The following CHRM3 variants were observed in gnomAD, a reference collection of about 807,000 sequenced individuals.
CHRM3 encodes cholinergic receptor muscarinic 3.
A neutral mutation model predicts 41.8 loss-of-function variants in CHRM3; 11 were observed. The observed-to-expected ratio is 0.26, with a 90% confidence interval of 0.17 to 0.44. CHRM3 has a LOEUF of 0.44. CHRM3 is among the 20% of genes least tolerant of loss of function. The pLI, the probability that CHRM3 is intolerant of heterozygous loss-of-function variation, is 1.00. For synonymous variants in CHRM3, 297 were observed against 301.4 expected (o/e 0.99, Z 0.15); for missense variants, 571 against 745.4 (o/e 0.77, Z 2.72).
intron 1 of CHRM3, among the ~76,000 whole-genome samples, chr1:239,422,672 G>T (rs574578704): frequency 6.6e-6 from 1 of 151,910 alleles, no homozygotes; most frequent in South Asian, 2.1e-4. Context: ...GCGTGTGCCT[G>T]TAGTCCCAGC....
chr1:239,539,628 T>A (rs1658552262), intron 2 of CHRM3, among the ~76,000 whole-genome samples: 1 of 151,966 alleles, frequency 6.6e-6, no homozygotes, highest in Non-Finnish European at 1.5e-5. Flanking sequence ...TATTTTGGGG[T>A]TTGTTTTTGT....
rs1487020516 is a variant in CHRM3, at chr1:239,914,842, G to C, written c.*5618G>C. Reference sequence around the variant, plus strand: ...GACAATCCTTTATCCTGTTCTGCAAGCAATCAAACACATGATCTCCCTTCT... The same window carrying C: ...GACAATCCTTTATCCTGTTCTGCAACCAATCAAACACATGATCTCCCTTCT... On this transcript the variant is annotated 3_prime_UTR_variant, in exon 7 of 7. Transcript: ENST00000676153. 1 of 166,860 alleles carries C rather than the reference G, an allele frequency of 6.0e-6. No homozygotes were observed. Among genetic ancestry groups the C allele is most frequent in the Admixed American group, 6.5e-5 (1 of 15,278 alleles). The allele number at this position is 166,860 out of a possible 1,614,324, so 10.3% of individuals were successfully genotyped here. A position where few individuals can be genotyped will look rare whatever the true frequency, so the allele number is the denominator to read the frequency against.
intron 1 of CHRM3, among the ~76,000 whole-genome samples, chr1:239,393,050 C>T (rs1642912243): frequency 6.6e-6 from 1 of 152,082 alleles, no homozygotes; most frequent in Admixed American, 6.6e-5. Context: ...GTCCCAGGTA[C>T]TCGGGAGGCT....
At chr1:239,698,996 G>C (rs748733834) in intron 5 of CHRM3, among the ~76,000 whole-genome samples, 4 of 152,060 alleles carry the variant, frequency 2.6e-5, no homozygotes, top group Non-Finnish European at 5.9e-5. Context: ...GGAAAGTAAA[G>C]AGTTTTAAAA....
intron 6 of CHRM3, among the ~76,000 whole-genome samples, chr1:239,854,497 C>T (rs1674948552): frequency 6.6e-6 from 1 of 151,998 alleles, no homozygotes; most frequent in Non-Finnish European, 1.5e-5. Flanking sequence ...CCTGAAACTA[C>T]AAGTGAGAAA....
chr1:239,835,858 C>T (rs1673272906), intron 6 of CHRM3, among the ~76,000 whole-genome samples: 4 of 152,226 alleles, frequency 2.6e-5, no homozygotes. Context: ...ACCTAAATTA[C>T]TGCATTTCAG....
intron 4 of CHRM3, among the ~76,000 whole-genome samples, chr1:239,641,311 G>T (rs1216361159): frequency 1.3e-5 from 2 of 151,510 alleles, no homozygotes; most frequent in African/African-American, 4.9e-5. Context: ...TTCAATTCCT[G>T]GATATCCTTG....
chr1:239,633,598 C>T (rs1343937189), intron 4 of CHRM3, among the ~76,000 whole-genome samples: 1 of 152,178 alleles, frequency 6.6e-6, no homozygotes, highest in Non-Finnish European at 1.5e-5. Flanking sequence ...GGCCATGTGA[C>T]CCAGCTACAG....
chr1:239,585,962 T>C (rs995943177), intron 3 of CHRM3, among the ~76,000 whole-genome samples: 5 of 152,198 alleles, frequency 3.3e-5, no homozygotes, highest in African/African-American at 7.2e-5. Context: ...TTTGCTCCAG[T>C]TGAGTAACAT....
At chr1:239,511,839 C>T (rs1033183910) in intron 2 of CHRM3, among the ~76,000 whole-genome samples, 11 of 152,124 alleles carry the variant, frequency 7.2e-5, no homozygotes, top group South Asian at 2.1e-4. Context: ...TGAATAGATC[C>T]GGAAAGCAAA....
intron 5 of CHRM3, among the ~76,000 whole-genome samples, chr1:239,798,296 C>G (rs537766673): frequency 2.0e-5 from 3 of 152,054 alleles, no homozygotes; most frequent in African/African-American, 7.2e-5. Context: ...TTCATAGTTA[C>G]GTTTTGGGGG....
chr1:239,540,738 C>G (rs1206660535), intron 2 of CHRM3, among the ~76,000 whole-genome samples: 1 of 151,994 alleles, frequency 6.6e-6, no homozygotes, highest in Non-Finnish European at 1.5e-5. Flanking sequence ...CTAATACATG[C>G]CATTTTATAT....
At chr1:239,640,312 A>T (rs137970787) in intron 4 of CHRM3, among the ~76,000 whole-genome samples, 1 of 152,006 alleles carries the variant, frequency 6.6e-6, no homozygotes, top group Non-Finnish European at 1.5e-5. Flanking sequence ...CTCTTTTTCT[A>T]TTGATTGGAA....
intron 1 of CHRM3, among the ~76,000 whole-genome samples, chr1:239,473,458 A>G (rs1195664024): frequency 3.3e-5 from 5 of 152,194 alleles, no homozygotes; most frequent in Non-Finnish European, 7.4e-5. Flanking sequence ...TCAAATGGCT[A>G]CAAGAATGTA....
intron 4 of CHRM3, among the ~76,000 whole-genome samples, chr1:239,650,946 T>C (rs1293949514): frequency 1.3e-5 from 2 of 152,202 alleles, no homozygotes; most frequent in South Asian, 2.1e-4. Flanking sequence ...ATGTGCACAT[T>C]AATATATGTA....
At chr1:239,836,391 T>A (rs1673316698) in intron 6 of CHRM3, among the ~76,000 whole-genome samples, 2 of 152,204 alleles carry the variant, frequency 1.3e-5, no homozygotes, top group African/African-American at 4.8e-5. Context: ...TTTTTGTTTT[T>A]TTTTAACAGG....
intron 5 of CHRM3, among the ~76,000 whole-genome samples, chr1:239,759,182 G>GT (rs1346616146): frequency 0.043 from 1,856 of 42,888 alleles, 21 homozygotes; most frequent in African/African-American, 0.087. Flanking sequence ...TTTTTTTTTT[G>GT]TTTTTTTTTT....
intron 5 of CHRM3, among the ~76,000 whole-genome samples, chr1:239,752,117 C>G (rs141483080): frequency 6.6e-6 from 1 of 152,280 alleles, no homozygotes; most frequent in Non-Finnish European, 1.5e-5. Flanking sequence ...TTCAATGTCA[C>G]TCTAATTAGT....
intron 1 of CHRM3, among the ~76,000 whole-genome samples, chr1:239,408,627 T>C (rs1660828487): frequency 6.6e-6 from 1 of 151,994 alleles, no homozygotes; most frequent in Non-Finnish European, 1.5e-5. Context: ...CAAGACTATG[T>C]TGGCCCAGGA....
Sources: gnomAD v4.1 joint callset for allele counts (sites outside exome capture counted in the v4.1 genomes callset) on GRCh38, gnomAD v4.1.1 for gene constraint, MANE v1.5 for transcripts, NCBI Gene and HGNC (gene_info 2026-07-23, HGNC 2026-07-21) for gene names.